MOV10: variants seen among roughly 807,000 people sequenced by gnomAD.
MOV10 encodes the protein Mov10 RNA helicase.
In MOV10, 39 loss-of-function variants were observed where a neutral mutation model predicts 108.4. The observed-to-expected ratio is 0.36, with a 90% CI of 0.28 to 0.47. The LOEUF is 0.47. Ranked by LOEUF, MOV10 falls within the 20% of genes least tolerant of loss-of-function variation. MOV10 has a pLI of 1.00. For missense variants in MOV10, 952 were observed against 1,297.6 expected (o/e 0.73, Z 4.09); for synonymous variants, 490 against 523.1 (o/e 0.94, Z 0.86).
rs1367843252 is a variant in MOV10 at position 112,695,538 on chromosome 1, C to T, written c.1743C>T (p.Pro581=). The change falls in exon 11 of 21, where the codon CCC becomes CCT. Residue 581 remains proline (P), a synonymous_variant. Coordinates refer to ENST00000369645, the MANE Select transcript of MOV10 (RefSeq NM_001321324.2). ...LPSSIYRLLA[P]SRDIRMVPED... ...GCTCCATCTACCGCCTCCTGGCCCC[C>T]AGCAGGGACATCCGCATGGTACCTG... The T allele has an allele frequency of 2.5e-6, 4 of 1,614,040 alleles. No individual in the cohort carries two copies. The highest frequency in any genetic ancestry group is 1.6e-4 in the Middle Eastern group (1 of 6,082).
chr1:112,695,689 G>C (rs1441040922), intron 11 of MOV10, 115 bp downstream of exon 11: 11 of 1,173,862 alleles, frequency 9.4e-6, no homozygotes, highest in Non-Finnish European at 5.9e-6. Flanking sequence ...ATGTGACCTT[G>C]GGTTGGACAG....
intron 11 of MOV10, 113 bp from the exon 12 acceptor site, chr1:112,696,035 G>A (rs986238144): frequency 6.8e-5 from 52 of 760,928 alleles, no homozygotes; most frequent in Admixed American, 2.3e-5. Flanking sequence ...GCGAGACTCC[G>A]TCTCAATTAA....
rs115769715 is a variant in MOV10, at chr1:112,688,099, C to T, written c.138-836C>T. 7.8e-3 allele frequency among the ~76,000 whole-genome samples: 1,181 copies of T among 152,160 alleles called. 9 individuals carry two copies. Among genetic ancestry groups the T allele is most frequent in the Non-Finnish European group, 0.012 (804 of 68,008 alleles). ...CTGTGGCACTGAGCCCCTCTGTGGC[C>T]GATGAGCTGCCCTCCAAGCACCACG... On this transcript the variant is annotated intron_variant, in intron 2 of 20. Transcript: ENST00000369645.
chr1:112,685,669 A>AATAAAATAAAATAAAAT (rs1673018842), intron 2 of MOV10, among the ~76,000 whole-genome samples: 1 of 150,820 alleles, frequency 6.6e-6, no homozygotes, highest in Admixed American at 6.6e-5. Flanking sequence ...AATAAAATAA[A>AATAAAATAAAATAAAAT]ATAAAATAAA....
intron 2 of MOV10, among the ~76,000 whole-genome samples, chr1:112,686,074 A>G (rs1673061553): frequency 6.6e-6 from 1 of 152,144 alleles, no homozygotes; most frequent in African/African-American, 2.4e-5. Context: ...CAGGGCATGC[A>G]CTTCCCAGTT....
At chr1:112,696,014 C>A in intron 11 of MOV10, 134 bp from the exon 12 acceptor site, 1 of 695,704 alleles carries the variant, frequency 1.4e-6, no homozygotes, top group Non-Finnish European at 2.5e-6. Context: ...GGCACTCCAG[C>A]CTGGGGGACA....
intron 2 of MOV10, among the ~76,000 whole-genome samples, chr1:112,687,689 G>A (rs986996889): frequency 6.6e-6 from 1 of 152,138 alleles, no homozygotes; most frequent in Non-Finnish European, 1.5e-5. Context: ...AACTGTATGT[G>A]ATACTAATCA....
At chr1:112,699,214 T>TC (rs1176733172) in intron 17 of MOV10, 10 of 224,116 alleles carry the variant, frequency 4.5e-5, no homozygotes, top group Non-Finnish European at 8.8e-5. Flanking sequence ...CTCATACAGC[T>TC]ATCGGGGCAG....
Position 112,689,495 on chromosome 1 carries a change from T to C in MOV10, c.422T>C (p.Ile141Thr), listed in dbSNP as rs150316337. ...PHEARDGQLL[I>T]RLDLNRKEVL... is the part of the protein sequence containing the mutation. The stretch of plus-strand genomic sequence containing the variant: ...GAAGCCCGAGATGGGCAGCTCCTTA[T>C]CCGCCTGGATTTGAACCGCAAAGAG... The change falls in exon 4 of 21, where the codon ATC becomes ACC. Residue 141 changes from isoleucine (I) to threonine (T), a missense_variant. Transcript: ENST00000369645. The C allele has an allele frequency of 6.2e-7, 1 of 1,611,772 alleles. No homozygotes were observed. The highest frequency in any genetic ancestry group is 1.1e-5 in the South Asian group (1 of 91,012).
rs758848623 is a variant in MOV10 at position 112,692,752 on chromosome 1, C to T, written c.972-9C>T. 1 of 1,613,650 alleles carries T rather than the reference C, an allele frequency of 6.2e-7. No homozygotes were observed. The highest frequency in any genetic ancestry group is 8.5e-7 in the Non-Finnish European group (1 of 1,179,832). ...GCCCCCACTCACCCCTCCCAACCATCATTTCCAGGGCCCAGCTGGAGACAG... is the reference window on the plus strand; with the variant it reads ...GCCCCCACTCACCCCTCCCAACCATTATTTCCAGGGCCCAGCTGGAGACAG... On this transcript the variant is annotated splice_polypyrimidine_tract_variant and intron_variant, in intron 6 of 20. Coordinates refer to ENST00000369645, the MANE Select transcript of MOV10 (RefSeq NM_001321324.2).
chr1:112,698,513 C>G (rs1674323147), intron 16 of MOV10, 35 bp downstream of exon 16: 1 of 1,601,526 alleles, frequency 6.2e-7, no homozygotes, highest in Admixed American at 1.7e-5. Flanking sequence ...GGTGGGGCCC[C>G]TCCCCCAGAT....
At chr1:112,695,358 CTGGGTACGGCT>C in intron 10 of MOV10, 47 bp from the exon 11 acceptor site, 1 of 1,575,984 alleles carries the variant, frequency 6.3e-7, no homozygotes, top group Admixed American at 1.7e-5. Context: ...CTGCCCCAGC[CTGGGTACGGCT>C]GAGTCTCAGG....
chr1:112,695,271 T>G (rs1570800153), intron 10 of MOV10, 145 bp from the exon 11 acceptor site: 1 of 772,130 alleles, frequency 1.3e-6, no homozygotes. Flanking sequence ...AATGTGGCTG[T>G]GGAGCACTGT....
At position 112,700,437 on chromosome 1, in the gene MOV10, T is replaced by A; in HGVS notation, c.2942T>A (p.Leu981His). 6.2e-7 allele frequency: 1 copy of A among 1,613,272 alleles called. No homozygotes were observed. The highest frequency in any genetic ancestry group is 8.5e-7 in the Non-Finnish European group (1 of 1,179,668). Residue 981 changes from leucine (L) to histidine (H), a missense_variant, in exon 21 of 21, where the codon CTC (leucine) becomes CAC (histidine). Coordinates refer to ENST00000369645, the MANE Select transcript of MOV10 (RefSeq NM_001321324.2). ...STSGPHSHDY[L>H]PQEREGEGGL... ...CCAGGGCCCCACAGCCATGACTACCTCCCCCAGGAGCGGGAGGGTGAAGGG... is the reference window on the plus strand; with the variant it reads ...CCAGGGCCCCACAGCCATGACTACCACCCCCAGGAGCGGGAGGGTGAAGGG...
rs779826601 is a variant in MOV10 at position 112,700,609 on chromosome 1, G to C, written c.*102G>C. On this transcript the variant is annotated 3_prime_UTR_variant, in exon 21 of 21. Coordinates refer to ENST00000369645, the MANE Select transcript of MOV10 (RefSeq NM_001321324.2). The stretch of plus-strand genomic sequence containing the variant: ...TGCCCCTCCAAGGGACAGGAAGGCT[G>C]GGGGAGGGAGTTTACAACCCAAGCC... 4.5e-6 allele frequency: 7 copies of C among 1,555,180 alleles called. No homozygotes were observed. The highest frequency in any genetic ancestry group is 3.6e-5 in the South Asian group (3 of 84,394).
chr1:112,700,195 C>T, intron 19 of MOV10, 24 bp from the exon 20 acceptor site: 1 of 1,613,818 alleles, frequency 6.2e-7, no homozygotes. Flanking sequence ...CCAGTCTCTG[C>T]TGGCACTCCT....
chr1:112,697,964 G>C, intron 14 of MOV10, 30 bp from the exon 15 acceptor site: 1 of 1,580,460 alleles, frequency 6.3e-7, no homozygotes, highest in Non-Finnish European at 8.7e-7. Context: ...TCTGACCCTT[G>C]GTCTTGCTTT....
intron 2 of MOV10, among the ~76,000 whole-genome samples, chr1:112,684,538 G>C (rs1281811985): frequency 2.6e-5 from 4 of 152,182 alleles, no homozygotes; most frequent in African/African-American, 7.2e-5. Flanking sequence ...AAAGTGCTGG[G>C]ATTACAGGCG....
chr1:112,676,031 G>C (rs1672177717), intron 2 of MOV10, among the ~76,000 whole-genome samples: 1 of 152,182 alleles, frequency 6.6e-6, no homozygotes, highest in African/African-American at 2.4e-5. Context: ...GGGGAAAAGG[G>C]TAGAGACTCT....
Sources: gnomAD v4.1 joint callset for allele counts (sites outside exome capture counted in the v4.1 genomes callset) on GRCh38, gnomAD v4.1.1 for gene constraint, MANE v1.5 for transcripts, NCBI Gene and HGNC (gene_info 2026-07-23, HGNC 2026-07-21) for gene names.